The following ZNF589 variants were observed in gnomAD, a reference collection of about 807,000 sequenced individuals.
The protein encoded by ZNF589 is zinc finger protein 589.
In ZNF589, 17 loss-of-function variants were observed where a neutral mutation model predicts 13.6. The observed-to-expected ratio is 1.25, with a 90% CI of 0.86 to 1.88. The LOEUF (loss-of-function observed/expected upper bound fraction) is 1.88, where lower values mean the gene tolerates loss of function less well. Among genes scored for constraint, ZNF589 ranks in the 40% most tolerant of loss-of-function variants. ZNF589 has a pLI of 0.00. For missense variants in ZNF589, 407 were observed against 434.0 expected (o/e 0.94, Z 0.55); for synonymous variants, 148 against 161.6 (o/e 0.92, Z 0.64).
intron 1 of ZNF589, among the ~76,000 whole-genome samples, chr3:48,242,177 C>A (rs1013195477): frequency 6.6e-6 from 1 of 151,886 alleles, no homozygotes; most frequent in Admixed American, 6.6e-5. Flanking sequence ...AGTGGGCGAT[C>A]TCTGCTCACT....
chr3:48,260,548 A>G (rs1281378584), intron 2 of ZNF589, among the ~76,000 whole-genome samples: 1 of 152,208 alleles, frequency 6.6e-6, no homozygotes, highest in Admixed American at 6.5e-5. Flanking sequence ...AGCTGGGACT[A>G]CAGGCGTGTG....
intron 3 of ZNF589, among the ~76,000 whole-genome samples, chr3:48,265,271 CTTTTT>C (rs35060812): frequency 2.1e-5 from 1 of 47,838 alleles, no homozygotes; most frequent in Non-Finnish European, 4.0e-5. Flanking sequence ...TGTGCCCGGC[CTTTTT>C]TTTTTTTTTT....
At chr3:48,252,057 A>G (rs1459924345) in intron 2 of ZNF589, among the ~76,000 whole-genome samples, 1 of 151,648 alleles carries the variant, frequency 6.6e-6, no homozygotes, top group African/African-American at 2.4e-5. Context: ...AGAAAAATCA[A>G]TTGTGGGTCT....
At chr3:48,252,259 T>C (rs528357535) in intron 2 of ZNF589, among the ~76,000 whole-genome samples, 2 of 152,052 alleles carry the variant, frequency 1.3e-5, no homozygotes, top group African/African-American at 2.4e-5. Flanking sequence ...TGGCATAATC[T>C]TGGCTCACTG....
Position 48,242,905 on chromosome 3 carries a change from A to AACAATAAAAT in ZNF589, c.43+1692_43+1693insCAATAAAATA. Among the ~76,000 whole-genome samples, 3 of 151,520 alleles carry AACAATAAAAT rather than the reference A, an allele frequency of 2.0e-5. 1 individual carries two copies. The Middle Eastern group carries it at 0.01, about 515-fold the overall frequency. On this transcript the variant is annotated intron_variant, in intron 1 of 3. Coordinates refer to ENST00000354698, the MANE Select transcript of ZNF589 (RefSeq NM_016089.3). ...CATGGCAACACCCCATCTCTACTTTAAAAATAAAATAAAATAAAATAAGCT... is the reference window on the plus strand; with the variant it reads ...CATGGCAACACCCCATCTCTACTTTAACAATAAAATAAAATAAAATAAAATAAAATAAGCT...
chr3:48,254,483 A>G (rs573418943), intron 2 of ZNF589, among the ~76,000 whole-genome samples: 4 of 152,312 alleles, frequency 2.6e-5, no homozygotes, highest in Admixed American at 2.0e-4. Context: ...CTCTACAATC[A>G]GTTTCTCGAT....
intron 1 of ZNF589, among the ~76,000 whole-genome samples, chr3:48,245,296 G>A (rs1375758124): frequency 6.6e-5 from 10 of 151,924 alleles, no homozygotes; most frequent in Non-Finnish European, 1.3e-4. Context: ...TTTATTTTTT[G>A]TAGAGATGGG....
In ZNF589 at chr3:48,250,127, C is replaced by CA. The variant is rs140315981; in HGVS notation, c.96+2464dup. Among the ~76,000 whole-genome samples, 664 of 129,838 alleles carry CA rather than the reference C, an allele frequency of 5.1e-3. 4 individuals carry two copies. The highest frequency in any genetic ancestry group is 0.014 in the African/African-American group (510 of 35,316). The allele number at this position is 129,838 out of a possible 152,430, so 85.2% of individuals were successfully genotyped here. ...CAGGTGACAGAGCAAGACTCCATTT[C>CA]AAAAAAAAAAAAAATACAATTTATT... On this transcript the variant is annotated intron_variant, in intron 2 of 3. Transcript: ENST00000354698.
At chr3:48,249,111 T>C (rs1363917898) in intron 2 of ZNF589, among the ~76,000 whole-genome samples, 1 of 151,716 alleles carries the variant, frequency 6.6e-6, no homozygotes, top group Non-Finnish European at 1.5e-5. Context: ...TTTTTTCTTT[T>C]TTTTTTTTGA....
chr3:48,241,133 C>T lies in ZNF589; in HGVS notation c.-39C>T. 1.9e-6 allele frequency: 3 copies of T among 1,610,212 alleles called. No homozygotes were observed. The highest frequency in any genetic ancestry group is 1.4e-5 in the African/African-American group (1 of 73,908). On this transcript the variant is annotated 5_prime_UTR_variant, in exon 1 of 4. Transcript: ENST00000354698. ...ATTCTAATCCGTTTCACACACGGTG[C>T]TGCTACCTCGTTTGCTTCGTGCGTG...
rs775792533 is a variant in ZNF589 at position 48,270,031 on chromosome 3, G to T, written c.*1245G>T. ...AGAGATCTAACTTCTGAGAGCAGAGGTGTCAAGTGACGGTCCCCTTGGAGG... is the reference window on the plus strand; with the variant it reads ...AGAGATCTAACTTCTGAGAGCAGAGTTGTCAAGTGACGGTCCCCTTGGAGG... On this transcript the variant is annotated 3_prime_UTR_variant, in exon 4 of 4. Transcript: ENST00000354698. 1 of 457,292 alleles carries T rather than the reference G, an allele frequency of 2.2e-6. No individual in the cohort carries two copies. Among genetic ancestry groups the T allele is most frequent in the South Asian group, 1.5e-5 (1 of 64,556 alleles). 28.3% of individuals were successfully genotyped at this position (457,292 alleles called of 1,614,324 possible).
chr3:48,256,906 A>G, intron 2 of ZNF589: 2 of 748,748 alleles, frequency 2.7e-6, no homozygotes, highest in Non-Finnish European at 4.6e-6. Flanking sequence ...GAAGCTGCCC[A>G]CAGCCAGACA....
chr3:48,249,475 G>A (rs1367078864), intron 2 of ZNF589, among the ~76,000 whole-genome samples: 1 of 152,140 alleles, frequency 6.6e-6, no homozygotes, highest in Admixed American at 6.5e-5. Context: ...ACTTCAGCAT[G>A]CATATTATTA....
intron 2 of ZNF589, among the ~76,000 whole-genome samples, chr3:48,248,468 C>G (rs2033796489): frequency 6.6e-6 from 1 of 152,178 alleles, no homozygotes; most frequent in Non-Finnish European, 1.5e-5. Context: ...CTTTCCAACT[C>G]TACGAAATGG....
intron 2 of ZNF589, among the ~76,000 whole-genome samples, chr3:48,251,461 G>A (rs1023194264): frequency 6.6e-6 from 1 of 151,912 alleles, no homozygotes. Flanking sequence ...TTGGGAGGCT[G>A]AGGCAGGAGA....
At chr3:48,245,016 T>A (rs2033744903) in intron 1 of ZNF589, among the ~76,000 whole-genome samples, 2 of 152,170 alleles carry the variant, frequency 1.3e-5, no homozygotes, top group South Asian at 4.2e-4. Flanking sequence ...GGTTTCACCA[T>A]GTTGGCCAGG....
At chr3:48,263,009 ATCTTCCTG>A (rs2033982811) in intron 3 of ZNF589, among the ~76,000 whole-genome samples, 1 of 152,226 alleles carries the variant, frequency 6.6e-6, no homozygotes, top group African/African-American at 2.4e-5. Flanking sequence ...GTCCACAATG[ATCTTCCTG>A]TAAGCACTTG....
At position 48,247,656 on chromosome 3, in the gene ZNF589, G is replaced by A. The variant is rs753137404; in HGVS notation, c.75G>A (p.Trp25Ter). The change falls in exon 2 of 4, where the codon TGG becomes TGA. Residue 25 changes from tryptophan to a stop codon, truncating the protein, a stop_gained. Coordinates refer to ENST00000354698, the MANE Select transcript of ZNF589 (RefSeq NM_016089.3). LOFTEE classifies it high-confidence loss of function. ...CTGCCAAGGATTCTGCCTGGCCCTG[G>A]GAAGAGAAGCCTAGATATCTGGTGA... The part of the protein sequence containing the change: ...ALPAKDSAWP[W>*]EEKPRYLGPV... 1.7e-5 allele frequency: 28 copies of A among 1,612,928 alleles called. No homozygotes were observed. The highest frequency in any genetic ancestry group is 3.3e-5 in the Admixed American group (2 of 59,894).
intron 1 of ZNF589, among the ~76,000 whole-genome samples, chr3:48,246,080 A>G (rs1240085891): frequency 6.6e-6 from 1 of 152,036 alleles, no homozygotes; most frequent in Non-Finnish European, 1.5e-5. Context: ...TGAGAGGCCA[A>G]TGTGGGCAGA....
Sources: allele counts gnomAD v4.1 joint callset (sites outside exome capture counted in the v4.1 genomes callset), GRCh38; gene constraint gnomAD v4.1.1; transcripts MANE v1.5; gene names NCBI Gene and HGNC (gene_info 2026-07-23, HGNC 2026-07-21).